The following CADPS variants were observed in gnomAD, a reference collection of about 807,000 sequenced individuals.
CADPS encodes the protein calcium-dependent secretion activator 1.
Under a neutral mutation model 167.3 loss-of-function variants are expected in CADPS, and 57 were observed. The observed-to-expected ratio is 0.34, with a 90% confidence interval of 0.28 to 0.42. The LOEUF (loss-of-function observed/expected upper bound fraction) is 0.42. Among genes scored for constraint, CADPS ranks in the 20% least tolerant of loss-of-function variants. The pLI is 1.00. For missense variants in CADPS, 1,414 were observed against 1,738.1 expected, an observed-to-expected ratio of 0.81 and a Z score of 3.32; for synonymous variants, 676 against 635.3, an observed-to-expected ratio of 1.06 and a Z score of -0.96.
At chr3:62,466,702 A>C (rs765094687) in intron 24 of CADPS, 1 of 413,906 alleles carries the variant, frequency 2.4e-6, no homozygotes, top group Non-Finnish European at 4.5e-6. Context: ...GAATGACTTA[A>C]TGACCCAGCA....
chr3:62,845,162 A>G (rs1259974358), intron 1 of CADPS, among the ~76,000 whole-genome samples: 4 of 152,316 alleles, frequency 2.6e-5, no homozygotes, highest in East Asian at 1.9e-4. Flanking sequence ...TCAGAAGGAC[A>G]TATCTGTCAG....
chr3:62,546,554 T>C (rs1350284216), intron 11 of CADPS, among the ~76,000 whole-genome samples: 1 of 152,134 alleles, frequency 6.6e-6, no homozygotes, highest in African/African-American at 2.4e-5. Flanking sequence ...TTCTGTGGCT[T>C]ACTCCACTAA....
At position 62,578,782 on chromosome 3, in the gene CADPS, A is replaced by C. The variant is rs80149349; in HGVS notation, c.1577+6403T>G. On this transcript the variant is annotated intron_variant, in intron 8 of 29. Coordinates refer to ENST00000383710, the MANE Select transcript of CADPS (RefSeq NM_003716.4). ...AATAAATGAAAATCAGTAAGGATATAGATTCTTTGAACAACACTATAAACT... is the reference window on the plus strand; with the variant it reads ...AATAAATGAAAATCAGTAAGGATATCGATTCTTTGAACAACACTATAAACT... Among the ~76,000 whole-genome samples the C allele has an allele frequency of 2.7e-4, 41 of 152,312 alleles. No homozygotes were observed. The East Asian group carries it at 7.3e-3, about 27-fold the overall frequency.
chr3:62,602,122 C>T lies in CADPS; in HGVS notation c.1326-9374G>A, dbSNP rs1423300673. Among the ~76,000 whole-genome samples the T allele has an allele frequency of 2.0e-5, 3 of 152,106 alleles. No homozygotes were observed. The highest frequency in any genetic ancestry group is 4.4e-5 in the Non-Finnish European group (3 of 68,030). On this transcript the variant is annotated intron_variant, in intron 6 of 29. Transcript: ENST00000383710. This position sits in a 1 kb window ranked among gnomAD's most constrained non-coding sequence, Gnocchi z 4.4. ...CATTTGCCACATAGGGAATATACCT[C>T]CCAAAATGACAGTAAACATCCACTG...
chr3:62,598,883 G>A (rs2059287242), intron 6 of CADPS, among the ~76,000 whole-genome samples: 1 of 152,082 alleles, frequency 6.6e-6, no homozygotes, highest in African/African-American at 2.4e-5. Flanking sequence ...TGGGACGTTG[G>A]GCCACTCTGG....
Position 62,412,651 on chromosome 3 carries a change from T to TCCACATTCATC in CADPS, c.3778-9467_3778-9466insGATGAATGTGG, listed in dbSNP as rs2049189340. On this transcript the variant is annotated intron_variant, in intron 28 of 29. Transcript: ENST00000383710. This position sits in a 1 kb window ranked among gnomAD's most constrained non-coding sequence, Gnocchi z 4.1. ...TAGCATCAAAATTTCTAACGAATGATTAAAGGGATGAATCCACAAGTAGAC... is the reference window on the plus strand; with the variant it reads ...TAGCATCAAAATTTCTAACGAATGATCCACATTCATCTAAAGGGATGAATCCACAAGTAGAC... Among the ~76,000 whole-genome samples, 1 of 152,138 alleles carries TCCACATTCATC rather than the reference T, an allele frequency of 6.6e-6. No individual in the cohort carries two copies. The highest frequency in any genetic ancestry group is 6.6e-5 in the Admixed American group (1 of 15,264).
intron 1 of CADPS, among the ~76,000 whole-genome samples, chr3:62,807,421 C>A (rs777237090): frequency 5.3e-5 from 8 of 151,884 alleles, no homozygotes; most frequent in Non-Finnish European, 1.0e-4. Flanking sequence ...ACCATTACAC[C>A]CAGCTAATTT....
chr3:62,744,066 C>T (rs182112189), intron 3 of CADPS, among the ~76,000 whole-genome samples: 1 of 152,114 alleles, frequency 6.6e-6, no homozygotes, highest in East Asian at 1.9e-4. Flanking sequence ...GGCTGTATGA[C>T]CTTGGAAAAA....
Position 62,471,507 on chromosome 3 carries a change from C to T in CADPS, c.3477+2666G>A, listed in dbSNP as rs2060614592. On this transcript the variant is annotated intron_variant, in intron 24 of 29. Transcript: ENST00000383710. The stretch of plus-strand genomic sequence containing the variant: ...CAACTCCCACGCTCCCACTACTCTC[C>T]CTAAACCCCCAGCTCAAAAGCAAAA... Among the ~76,000 whole-genome samples, 4 of 152,070 alleles carry T rather than the reference C, an allele frequency of 2.6e-5. No homozygotes were observed. The South Asian group carries it at 8.3e-4, about 32-fold the overall frequency.
chr3:62,399,811 G>T lies in CADPS; in HGVS notation c.3883-226C>A, dbSNP rs114924185. ...AGTGACAGGATAAACTATATTAGAT[G>T]AGACAAAGCAAAGAACATAAGCTTG... On this transcript the variant is annotated intron_variant, in intron 29 of 29. Coordinates refer to ENST00000383710, the MANE Select transcript of CADPS (RefSeq NM_003716.4). The surrounding 1 kb of genome is among the most constrained non-coding windows in gnomAD (Gnocchi z 5.6). Among the ~76,000 whole-genome samples, 1,429 of 152,306 alleles carry T rather than the reference G, an allele frequency of 9.4e-3. 23 individuals carry two copies. The highest frequency in any genetic ancestry group is 0.031 in the African/African-American group (1,305 of 41,562).
At chr3:62,795,573 T>C (rs942505118) in intron 1 of CADPS, among the ~76,000 whole-genome samples, 4 of 152,186 alleles carry the variant, frequency 2.6e-5, no homozygotes, top group African/African-American at 9.7e-5. Context: ...ACCAACTTTC[T>C]GTTTCAGGTT....
intron 1 of CADPS, among the ~76,000 whole-genome samples, chr3:62,838,309 A>G (rs2076187896): frequency 6.6e-6 from 1 of 152,242 alleles, no homozygotes; most frequent in South Asian, 2.1e-4. Context: ...ATGGAGAGAC[A>G]ACACTTGATT....
At chr3:62,561,545 C>T (rs988654584) in intron 9 of CADPS, among the ~76,000 whole-genome samples, 5 of 151,908 alleles carry the variant, frequency 3.3e-5, no homozygotes, top group African/African-American at 1.2e-4. Context: ...GCTGGGATTA[C>T]AGGCATGAGC....
intron 29 of CADPS, among the ~76,000 whole-genome samples, chr3:62,400,698 C>G (rs1264216049): frequency 2.0e-5 from 3 of 149,648 alleles, no homozygotes; most frequent in African/African-American, 7.4e-5. Flanking sequence ...CCCCTGGGTT[C>G]AAACGATTCT....
chr3:62,551,930 C>A (rs1384095959), intron 10 of CADPS, among the ~76,000 whole-genome samples: 1 of 152,016 alleles, frequency 6.6e-6, no homozygotes, highest in Admixed American at 6.6e-5. Flanking sequence ...CTTAATTTTT[C>A]TTTTTTGCTC....
intron 8 of CADPS, among the ~76,000 whole-genome samples, chr3:62,583,081 GCAC>G (rs1250428166): frequency 6.6e-6 from 1 of 151,850 alleles, no homozygotes; most frequent in African/African-American, 2.4e-5. Context: ...TTTAAAAAAA[GCAC>G]TTTAGAGGAC....
At chr3:62,617,960 C>G (rs1578912840) in intron 6 of CADPS, among the ~76,000 whole-genome samples, 1 of 152,126 alleles carries the variant, frequency 6.6e-6, no homozygotes, top group Admixed American at 6.6e-5. Context: ...TCTCCTTGAA[C>G]TTGGTACACA....
At chr3:62,664,419 A>G (rs982207866) in intron 3 of CADPS, among the ~76,000 whole-genome samples, 1 of 152,254 alleles carries the variant, frequency 6.6e-6, no homozygotes, top group African/African-American at 2.4e-5. Flanking sequence ...ACCCAAAAGC[A>G]GTCACATGAC....
intron 11 of CADPS, among the ~76,000 whole-genome samples, chr3:62,546,514 A>G (rs1368822475): frequency 1.3e-5 from 2 of 152,170 alleles, no homozygotes; most frequent in African/African-American, 2.4e-5. Context: ...AAATTACAGC[A>G]GCTGTGAAGT....
Sources: allele counts gnomAD v4.1 joint callset (sites outside exome capture counted in the v4.1 genomes callset), GRCh38; gene constraint gnomAD v4.1.1; non-coding constraint Gnocchi (gnomAD v3.1); transcripts MANE v1.5; gene names NCBI Gene and HGNC (gene_info 2026-07-23, HGNC 2026-07-21).